Variants in BATF observed in about 807,000 individuals in gnomAD.
The protein encoded by BATF is basic leucine zipper transcriptional factor ATF-like.
A neutral mutation model predicts 13.7 loss-of-function variants in BATF; 5 were observed. The observed-to-expected ratio is 0.36, with a 90% CI of 0.19 to 0.77. The LOEUF (loss-of-function observed/expected upper bound fraction) is 0.77, where lower values mean the gene tolerates loss of function less well. Ranked by LOEUF, BATF falls within the 30% of genes least tolerant of loss-of-function variation. The pLI is 0.51. For synonymous variants in BATF, 72 were observed against 67.5 expected (o/e 1.07, Z -0.33); for missense variants, 124 against 163.0 (o/e 0.76, Z 1.30).
chr14:75,524,625 T>C (rs2734268), intron 1 of BATF, among the ~76,000 whole-genome samples: 140,489 of 152,198 alleles, frequency 0.92, 64,853 homozygotes, highest in Middle Eastern at 0.96. Context: ...ACAAGAGCAC[T>C]TCTGAAAGAA....
intron 2 of BATF, among the ~76,000 whole-genome samples, chr14:75,539,815 C>G (rs1167105737): frequency 6.6e-6 from 1 of 152,012 alleles, no homozygotes; most frequent in Non-Finnish European, 1.5e-5. Context: ...TGAATTTCCC[C>G]AGGAATGGTG....
intron 2 of BATF, among the ~76,000 whole-genome samples, chr14:75,541,295 C>A (rs577811354): frequency 6.6e-6 from 1 of 152,270 alleles, no homozygotes; most frequent in African/African-American, 2.4e-5. Flanking sequence ...TTGGTCCAGT[C>A]TTTCCATTTT....
chr14:75,545,388 ATTTTTTT>A (rs35791450), intron 2 of BATF, among the ~76,000 whole-genome samples: 5 of 105,216 alleles, frequency 4.8e-5, no homozygotes, highest in Non-Finnish European at 7.3e-5. Context: ...CGCCTGGTTA[ATTTTTTT>A]TTTTTTTTTT....
chr14:75,530,692 A>G (rs920798824), intron 2 of BATF, among the ~76,000 whole-genome samples: 1 of 152,064 alleles, frequency 6.6e-6, no homozygotes, highest in Non-Finnish European at 1.5e-5. Flanking sequence ...TTTTATTTTT[A>G]GAGACAGGGT....
At chr14:75,545,465 CT>C (rs1328029551) in intron 2 of BATF, among the ~76,000 whole-genome samples, 1 of 146,210 alleles carries the variant, frequency 6.8e-6, no homozygotes, top group Non-Finnish European at 1.5e-5. Context: ...GAACTCCTGA[CT>C]TCAGGTGATC....
rs369718668 is a variant in BATF, at chr14:75,525,589, G to A, written c.168+401G>A. On this transcript the variant is annotated intron_variant, in intron 2 of 2. Transcript: ENST00000286639. Reference sequence around the variant, plus strand: ...TGAGGCAGGAGAATCACTTGAACAGGCAGAGGTTGCAGTGAGCCGAGATCG... The same window carrying A: ...TGAGGCAGGAGAATCACTTGAACAGACAGAGGTTGCAGTGAGCCGAGATCG... Among the ~76,000 whole-genome samples, 263 of 151,180 alleles carry A rather than the reference G, an allele frequency of 1.7e-3. 4 individuals carry two copies. In the South Asian group the frequency reaches 0.041, roughly 24 times the overall value.
rs1230940710 is a variant in BATF, at chr14:75,546,854, G to C, written c.*183G>C. 20 of 856,150 alleles carry C rather than the reference G, an allele frequency of 2.3e-5. No individual in the cohort carries two copies. Among genetic ancestry groups the C allele is most frequent in the East Asian group, 1.1e-4 (4 of 37,904 alleles). 53.0% of individuals were successfully genotyped at this position (856,150 alleles called of 1,614,324 possible). On this transcript the variant is annotated 3_prime_UTR_variant, in exon 3 of 3. Coordinates refer to ENST00000286639, the MANE Select transcript of BATF (RefSeq NM_006399.5). ...CCTCCCAGCAGTGCCGCAGCGTTTC[G>C]AGGGGCGTGTGCTGGACCCCACCAC...
intron 2 of BATF, among the ~76,000 whole-genome samples, chr14:75,537,069 T>A (rs146414185): frequency 2.0e-5 from 3 of 152,352 alleles, no homozygotes; most frequent in Non-Finnish European, 4.4e-5. Context: ...ATAAACTCTT[T>A]AAGGATATCA....
intron 2 of BATF, among the ~76,000 whole-genome samples, chr14:75,526,127 C>A (rs1311855473): frequency 6.6e-6 from 1 of 152,198 alleles, no homozygotes; most frequent in Admixed American, 6.5e-5. Context: ...CAGTGCTGAA[C>A]TGCAGTTCCG....
At position 75,546,912 on chromosome 14, in the gene BATF, A is replaced by T. The variant is rs903817224; in HGVS notation, c.*241A>T. ...TGCAGGCCCAATGCAGAAGAGTATT[A>T]AGAAAGATGCTCAAGTCCCATGGCA... On this transcript the variant is annotated 3_prime_UTR_variant, in exon 3 of 3. Coordinates refer to ENST00000286639, the MANE Select transcript of BATF (RefSeq NM_006399.5). 1 of 708,322 alleles carries T rather than the reference A, an allele frequency of 1.4e-6. No homozygotes were observed. The highest frequency in any genetic ancestry group is 2.0e-5 in the Admixed American group (1 of 50,028). The allele number at this position is 708,322 out of a possible 1,614,324, so 43.9% of individuals were successfully genotyped here.
rs1027876902 is a variant in BATF, at chr14:75,531,306, G to A, written c.168+6118G>A. On this transcript the variant is annotated intron_variant, in intron 2 of 2. Coordinates refer to ENST00000286639, the MANE Select transcript of BATF (RefSeq NM_006399.5). Reference sequence around the variant, plus strand: ...TGGTTGGTCATGGCTATCTGGTGCCGTACAGCTGGAAGGATTTCAAGTCAA... The same window carrying A: ...TGGTTGGTCATGGCTATCTGGTGCCATACAGCTGGAAGGATTTCAAGTCAA... 1.2e-4 allele frequency among the ~76,000 whole-genome samples: 18 copies of A among 152,296 alleles called. 1 individual carries two copies. Among genetic ancestry groups the A allele is most frequent in the East Asian group, 5.8e-4 (3 of 5,180 alleles).
At chr14:75,522,912 T>A (rs1887594474) in intron 1 of BATF, among the ~76,000 whole-genome samples, 167 bp downstream of exon 1, 1 of 152,178 alleles carries the variant, frequency 6.6e-6, no homozygotes, top group Non-Finnish European at 1.5e-5. Context: ...CTGTGCATAT[T>A]GGCAGAGATC....
intron 2 of BATF, among the ~76,000 whole-genome samples, chr14:75,535,864 C>T (rs1887808922): frequency 6.6e-6 from 1 of 152,154 alleles, no homozygotes; most frequent in African/African-American, 2.4e-5. Flanking sequence ...TGATTTCCTG[C>T]AACTGAGGAC....
At chr14:75,529,026 AG>A (rs1291590803) in intron 2 of BATF, among the ~76,000 whole-genome samples, 1 of 152,228 alleles carries the variant, frequency 6.6e-6, no homozygotes, top group African/African-American at 2.4e-5. Context: ...ATTTTCCTTA[AG>A]TTAATTGATA....
chr14:75,528,755 T>C (rs1347095511), intron 2 of BATF, among the ~76,000 whole-genome samples: 1 of 149,774 alleles, frequency 6.7e-6, no homozygotes, highest in African/African-American at 2.6e-5. Context: ...TAAGTGGACC[T>C]AAGATAATCA....
intron 2 of BATF, among the ~76,000 whole-genome samples, chr14:75,540,971 C>T (rs1209052229): frequency 1.3e-5 from 2 of 152,238 alleles, no homozygotes; most frequent in East Asian, 3.9e-4. Context: ...CCTGTAACCC[C>T]AGCTACCCAG....
At chr14:75,542,480 G>T (rs1310279788) in intron 2 of BATF, among the ~76,000 whole-genome samples, 1 of 152,214 alleles carries the variant, frequency 6.6e-6, no homozygotes, top group Non-Finnish European at 1.5e-5. Flanking sequence ...TGTCACTGTT[G>T]TACCTCTGGA....
intron 2 of BATF, among the ~76,000 whole-genome samples, chr14:75,531,655 A>G (rs545953587): frequency 1.3e-5 from 2 of 152,362 alleles, no homozygotes; most frequent in Non-Finnish European, 2.9e-5. Context: ...GTCATATATG[A>G]CAGAAAAGTC....
Position 75,525,738 on chromosome 14 carries a change from C to T in BATF, c.168+550C>T, listed in dbSNP as rs183951981. Among the ~76,000 whole-genome samples the T allele has an allele frequency of 5.5e-3, 826 of 151,410 alleles. 10 individuals carry two copies. Among genetic ancestry groups the T allele is most frequent in the African/African-American group, 0.019 (764 of 41,202 alleles). Reference sequence around the variant, plus strand: ...CTGAACAGAGAAATGGGCCTTTCTACCCCAGGAGGGCTCAAGGGGTGGGAG... The same window carrying T: ...CTGAACAGAGAAATGGGCCTTTCTATCCCAGGAGGGCTCAAGGGGTGGGAG... On this transcript the variant is annotated intron_variant, in intron 2 of 2. Coordinates refer to ENST00000286639, the MANE Select transcript of BATF (RefSeq NM_006399.5).
Sources: gnomAD v4.1 joint callset for allele counts (sites outside exome capture counted in the v4.1 genomes callset) on GRCh38, gnomAD v4.1.1 for gene constraint, MANE v1.5 for transcripts, NCBI Gene and HGNC (gene_info 2026-07-23, HGNC 2026-07-21) for gene names.